Variants in AKR1C8 observed in about 807,000 individuals in gnomAD.
The protein encoded by AKR1C8 is aldo-keto reductase family 1 member C-like protein 1.
chr10:5,148,170 G>C, the AKR1C8 span, among the ~76,000 whole-genome samples: 1 of 152,122 alleles, frequency 6.6e-6, no homozygotes, highest in East Asian at 1.9e-4. Flanking sequence ...GGCTGAATGA[G>C]AAACTGATCT....
the AKR1C8 span, among the ~76,000 whole-genome samples, chr10:5,121,647 G>T: frequency 6.6e-6 from 1 of 151,966 alleles, no homozygotes; most frequent in Non-Finnish European, 1.5e-5. Flanking sequence ...ACCTACCTGG[G>T]CCCATCTCCA....
the AKR1C8 span, chr10:5,185,110 G>A: frequency 1.9e-6 from 1 of 534,700 alleles, no homozygotes; most frequent in East Asian, 5.4e-5. Context: ...ATCATCCCCA[G>A]CTAACCTGTC....
the AKR1C8 span, among the ~76,000 whole-genome samples, chr10:5,131,937 G>A: frequency 6.6e-6 from 1 of 151,598 alleles, no homozygotes; most frequent in African/African-American, 2.4e-5. Context: ...ACCAACCTAA[G>A]AGTCCGTTGA....
the AKR1C8 span, among the ~76,000 whole-genome samples, chr10:5,168,399 C>T: frequency 0.076 from 11,540 of 152,046 alleles, 508 homozygotes; most frequent in African/African-American, 0.1. Flanking sequence ...GTCATCAATT[C>T]CTCCAGTTCT....
chr10:5,145,740 A>G, the AKR1C8 span, among the ~76,000 whole-genome samples: 1 of 152,186 alleles, frequency 6.6e-6, no homozygotes, highest in African/African-American at 2.4e-5. Context: ...ACACTTTTAC[A>G]CTATTGGTGG....
At chr10:5,145,790 C>T in the AKR1C8 span, among the ~76,000 whole-genome samples, 1,268 of 152,182 alleles carry the variant, frequency 8.3e-3, 15 homozygotes, top group African/African-American at 0.028. Context: ...GTCAGTGTGG[C>T]GATTCCTCAG....
the AKR1C8 span, among the ~76,000 whole-genome samples, chr10:5,133,245 G>A: frequency 9.9e-5 from 15 of 151,762 alleles, no homozygotes; most frequent in Admixed American, 2.6e-4. Context: ...CCACAGATGC[G>A]CGCTATTATG....
At chr10:5,145,374 C>T in the AKR1C8 span, among the ~76,000 whole-genome samples, 4,988 of 152,038 alleles carry the variant, frequency 0.033, 273 homozygotes, top group African/African-American at 0.11. Flanking sequence ...AGAGCTTCTG[C>T]ACAGCAAAAG....
chr10:5,159,633 T>C, the AKR1C8 span, among the ~76,000 whole-genome samples: 349 of 152,190 alleles, frequency 2.3e-3, 1 homozygote, highest in African/African-American at 7.8e-3. Context: ...CATCCCGAGC[T>C]CCAGACCAAA....
At chr10:5,161,554 A>G in the AKR1C8 span, among the ~76,000 whole-genome samples, 1 of 152,196 alleles carries the variant, frequency 6.6e-6, no homozygotes, top group South Asian at 2.1e-4. Context: ...CAGGGCTTCC[A>G]TTCAGGAACA....
the AKR1C8 span, among the ~76,000 whole-genome samples, chr10:5,127,880 C>T: frequency 1.3e-5 from 2 of 151,896 alleles, no homozygotes; most frequent in African/African-American, 2.4e-5. Context: ...TTGAGAAAAA[C>T]TTCCCTGGCC....
the AKR1C8 span, among the ~76,000 whole-genome samples, chr10:5,130,498 CAAT>C: frequency 6.6e-6 from 1 of 151,706 alleles, no homozygotes; most frequent in Admixed American, 6.6e-5. Context: ...TGCTGTTTGC[CAAT>C]AATATAATCA....
the AKR1C8 span, chr10:5,132,652 TG>T: frequency 2.5e-6 from 4 of 1,591,894 alleles, no homozygotes; most frequent in Non-Finnish European, 3.4e-6. Context: ...TCTGCAATCT[TG>T]CTTCAGATGG....
chr10:5,126,279 G>A, the AKR1C8 span, among the ~76,000 whole-genome samples: 2 of 152,118 alleles, frequency 1.3e-5, no homozygotes, highest in Non-Finnish European at 1.5e-5. Context: ...ATCCCCACAG[G>A]AGGAGCACTC....
At chr10:5,152,057 T>C in the AKR1C8 span, among the ~76,000 whole-genome samples, 1 of 152,168 alleles carries the variant, frequency 6.6e-6, no homozygotes, top group Admixed American at 6.5e-5. Context: ...ATCTATAATT[T>C]TAGTATAGCA....
the AKR1C8 span, chr10:5,185,123 T>TC: frequency 1.9e-6 from 1 of 534,564 alleles, no homozygotes; most frequent in Non-Finnish European, 3.8e-6. Context: ...AACCTGTCTT[T>TC]CCTCCTTTTC....
chr10:5,147,495 G>A, the AKR1C8 span, among the ~76,000 whole-genome samples: 3 of 151,912 alleles, frequency 2.0e-5, no homozygotes, highest in Non-Finnish European at 4.4e-5. Flanking sequence ...ATCGTTATCA[G>A]TTGTGAGTAA....
At chr10:5,132,806 T>C in the AKR1C8 span, 6 of 924,772 alleles carry the variant, frequency 6.5e-6, no homozygotes, top group African/African-American at 5.1e-5. Context: ...TGGTGATCAA[T>C]GTGCTCAACA....
chr10:5,161,583 GT>G, the AKR1C8 span: 1 of 426,374 alleles, frequency 2.3e-6, no homozygotes, highest in African/African-American at 2.1e-5. Flanking sequence ...GAGAAATACA[GT>G]GCAATGCCCT....
Sources: allele counts gnomAD v4.1 joint callset (sites outside exome capture counted in the v4.1 genomes callset), GRCh38; gene constraint gnomAD v4.1.1; transcripts MANE v1.5; gene names NCBI Gene and HGNC (gene_info 2026-07-23, HGNC 2026-07-21).